Variants in FBXL17 observed in about 807,000 individuals in gnomAD.
FBXL17 encodes the protein F-box/LRR-repeat protein 17.
In FBXL17, 22 loss-of-function variants were observed where a neutral mutation model predicts 66.2. The observed-to-expected ratio is 0.33, with a 90% CI of 0.24 to 0.47. The LOEUF (loss-of-function observed/expected upper bound fraction) is 0.47, where lower values mean the gene tolerates loss of function less well. Ranked by LOEUF, FBXL17 falls within the 20% of genes least tolerant of loss-of-function variation. FBXL17 has a pLI of 1.00. For synonymous variants in FBXL17, 474 were observed against 400.5 expected (o/e 1.18, Z -2.19); for missense variants, 878 against 948.2 (o/e 0.93, Z 0.97).
At chr5:108,069,350 A>G (rs1048049908) in intron 6 of FBXL17, among the ~76,000 whole-genome samples, 20 of 152,224 alleles carry the variant, frequency 1.3e-4, no homozygotes, top group Admixed American at 1.3e-3. Flanking sequence ...TCTAGAATAC[A>G]TATTTTATTT....
At chr5:108,337,230 T>C (rs1760428629) in intron 4 of FBXL17, among the ~76,000 whole-genome samples, 1 of 146,580 alleles carries the variant, frequency 6.8e-6, no homozygotes, top group Admixed American at 7.0e-5. Context: ...CACTCCAGCC[T>C]GGGTGACAGA....
chr5:108,098,815 T>A (rs1005144200), intron 6 of FBXL17, among the ~76,000 whole-genome samples: 1 of 149,606 alleles, frequency 6.7e-6, no homozygotes, highest in Admixed American at 6.6e-5. Flanking sequence ...AAAAAATATA[T>A]ACTTTAAACG....
chr5:108,071,445 G>C (rs1254948244), intron 6 of FBXL17, among the ~76,000 whole-genome samples: 1 of 152,172 alleles, frequency 6.6e-6, no homozygotes, highest in Non-Finnish European at 1.5e-5. Flanking sequence ...GTGATCTCCA[G>C]TTGTGAGGAT....
chr5:108,039,238 T>G (rs1243559017), intron 6 of FBXL17, among the ~76,000 whole-genome samples: 1 of 151,972 alleles, frequency 6.6e-6, no homozygotes, highest in Non-Finnish European at 1.5e-5. Context: ...AAATCAAGTA[T>G]TTAATTAATA....
intron 4 of FBXL17, among the ~76,000 whole-genome samples, chr5:108,232,786 T>TATATATATATATATATATATAA (rs1253114811): frequency 8.4e-6 from 1 of 118,790 alleles, no homozygotes; most frequent in African/African-American, 3.2e-5. Flanking sequence ...CTCTCACATA[T>TATATATATATATATATATATAA]ATATATATAT....
chr5:108,313,945 CA>C (rs2150204081), intron 4 of FBXL17, among the ~76,000 whole-genome samples: 1 of 151,712 alleles, frequency 6.6e-6, no homozygotes, highest in East Asian at 1.9e-4. Context: ...CTTTAGTTAC[CA>C]TACAGAAAAA....
chr5:108,345,417 C>G (rs1747208409), intron 4 of FBXL17, among the ~76,000 whole-genome samples: 1 of 151,650 alleles, frequency 6.6e-6, no homozygotes, highest in Non-Finnish European at 1.5e-5. Flanking sequence ...TATGGCAAAT[C>G]ATTGTCCTCA....
chr5:108,340,246 T>A (rs1746792445), intron 4 of FBXL17, among the ~76,000 whole-genome samples: 1 of 150,170 alleles, frequency 6.7e-6, no homozygotes, highest in Non-Finnish European at 1.5e-5. Context: ...ATTGAAATTA[T>A]ACTGTCAAAA....
intron 6 of FBXL17, among the ~76,000 whole-genome samples, chr5:108,075,084 T>C (rs981301594): frequency 6.6e-6 from 1 of 152,212 alleles, no homozygotes; most frequent in Non-Finnish European, 1.5e-5. Flanking sequence ...CTAGACGGTC[T>C]GCCTTCCAGC....
At chr5:107,895,701 G>T (rs1749356120) in intron 7 of FBXL17, among the ~76,000 whole-genome samples, 1 of 152,082 alleles carries the variant, frequency 6.6e-6, no homozygotes, top group Admixed American at 6.6e-5. Context: ...CTTTCAGATT[G>T]TTTCTTCTTT....
chr5:108,050,732 C>G (rs188093876), intron 6 of FBXL17, among the ~76,000 whole-genome samples: 2 of 151,708 alleles, frequency 1.3e-5, no homozygotes, highest in Non-Finnish European at 2.9e-5. Flanking sequence ...CTAAGAGACA[C>G]GAAACTCCCC....
chr5:107,933,904 G>A (rs2112579042), intron 7 of FBXL17, among the ~76,000 whole-genome samples: 1 of 152,210 alleles, frequency 6.6e-6, no homozygotes, highest in East Asian at 1.9e-4. Context: ...CCCATGATCA[G>A]CTTCAAACAT....
chr5:107,935,731 T>G lies in FBXL17; in HGVS notation c.1823-54552A>C, dbSNP rs186648331. Among the ~76,000 whole-genome samples the G allele has an allele frequency of 2.6e-4, 39 of 152,226 alleles. 1 individual carries two copies. In the East Asian group the frequency reaches 6.6e-3, roughly 26 times the overall value. On this transcript the variant is annotated intron_variant, in intron 7 of 8. Coordinates refer to ENST00000542267, the MANE Select transcript of FBXL17 (RefSeq NM_001163315.3). ...CAATTACTAAGCCAAACAGAAGTGT[T>G]AGGTAACAAGTCTGAATAGAAATGC...
At chr5:108,058,822 C>T (rs1265851732) in intron 6 of FBXL17, among the ~76,000 whole-genome samples, 1 of 152,126 alleles carries the variant, frequency 6.6e-6, no homozygotes, top group East Asian at 1.9e-4. Context: ...ACAGAAGTTG[C>T]CCCTCAAAGC....
chr5:107,945,019 C>G (rs141017037), intron 7 of FBXL17, among the ~76,000 whole-genome samples: 7 of 151,788 alleles, frequency 4.6e-5, no homozygotes, highest in Admixed American at 2.6e-4. Context: ...AAAAATATAA[C>G]TGACAAAAGA....
intron 6 of FBXL17, among the ~76,000 whole-genome samples, chr5:108,102,333 A>G (rs541916928): frequency 6.6e-6 from 1 of 152,294 alleles, no homozygotes; most frequent in South Asian, 2.1e-4. Flanking sequence ...ATTTTCTTTT[A>G]CTAAAAATGA....
intron 6 of FBXL17, among the ~76,000 whole-genome samples, chr5:108,069,267 T>C (rs540371011): frequency 2.0e-5 from 3 of 152,326 alleles, no homozygotes; most frequent in African/African-American, 4.8e-5. Flanking sequence ...AGTGGCACTG[T>C]ATTGAAAAGG....
chr5:108,222,735 G>A (rs935751267), intron 5 of FBXL17, among the ~76,000 whole-genome samples: 10 of 145,330 alleles, frequency 6.9e-5, no homozygotes, highest in African/African-American at 2.3e-4. Context: ...GTGCAGTGGC[G>A]CAATCTCGGC....
intron 7 of FBXL17, among the ~76,000 whole-genome samples, chr5:107,882,022 G>A (rs1354508475): frequency 2.6e-5 from 4 of 152,048 alleles, no homozygotes; most frequent in Non-Finnish European, 4.4e-5. Flanking sequence ...CTTTTCTACC[G>A]ACTTTGATAA....
Sources: allele counts gnomAD v4.1 joint callset (sites outside exome capture counted in the v4.1 genomes callset), GRCh38; gene constraint gnomAD v4.1.1; transcripts MANE v1.5; gene names NCBI Gene and HGNC (gene_info 2026-07-23, HGNC 2026-07-21).